The following RMDN2 variants were observed in gnomAD, a reference collection of about 807,000 sequenced individuals.
RMDN2 encodes regulator of microtubule dynamics 2.
In RMDN2, 61 loss-of-function variants were observed where a neutral mutation model predicts 52.8. The observed-to-expected ratio is 1.16, with a 90% CI of 0.94 to 1.43. The LOEUF (loss-of-function observed/expected upper bound fraction) is 1.43, where lower values mean the gene tolerates loss of function less well. RMDN2 is among the 40% of genes most tolerant of loss of function. The pLI is 0.00. For synonymous variants in RMDN2, 180 were observed against 153.1 expected (o/e 1.18, Z -1.30); for missense variants, 592 against 475.3 (o/e 1.25, Z -2.28).
chr2:38,009,364 G>C (rs1382848346), intron 10 of RMDN2, among the ~76,000 whole-genome samples: 1 of 152,054 alleles, frequency 6.6e-6, no homozygotes, highest in Non-Finnish European at 1.5e-5. Context: ...ACGTAGATTT[G>C]GTCTTTTCAC....
intron 4 of RMDN2, among the ~76,000 whole-genome samples, chr2:37,977,727 G>A (rs1024783487): frequency 2.6e-5 from 4 of 151,808 alleles, no homozygotes; most frequent in Non-Finnish European, 5.9e-5. Flanking sequence ...CAGATGGGGC[G>A]GCGGGGCAGA....
At chr2:37,978,530 A>G (rs1342328759) in intron 4 of RMDN2, among the ~76,000 whole-genome samples, 7 of 152,186 alleles carry the variant, frequency 4.6e-5, no homozygotes, top group East Asian at 3.9e-4. Flanking sequence ...GCTCTTATTA[A>G]AGAAGAGTAC....
At chr2:38,009,924 C>T (rs990015499) in intron 10 of RMDN2, among the ~76,000 whole-genome samples, 4 of 152,172 alleles carry the variant, frequency 2.6e-5, no homozygotes, top group Non-Finnish European at 5.9e-5. Context: ...AGTTTTCCTT[C>T]TAACAGTCAG....
intron 2 of RMDN2, among the ~76,000 whole-genome samples, chr2:37,947,155 T>C (rs548495261): frequency 9.2e-5 from 14 of 152,160 alleles, no homozygotes; most frequent in Non-Finnish European, 7.4e-5. Context: ...ACCCAAATAG[T>C]GTACATTGTA....
intron 5 of RMDN2, among the ~76,000 whole-genome samples, chr2:37,987,478 C>T (rs565851818): frequency 2.6e-5 from 4 of 152,112 alleles, no homozygotes; most frequent in Non-Finnish European, 4.4e-5. Flanking sequence ...ATATGACATT[C>T]TGGGAAAGAC....
chr2:37,994,552 A>G (rs555370831), intron 7 of RMDN2, among the ~76,000 whole-genome samples: 82 of 152,348 alleles, frequency 5.4e-4, no homozygotes, highest in Non-Finnish European at 1.0e-3. Flanking sequence ...CAATTACTTA[A>G]CAAAAGAAAG....
In RMDN2 at chr2:37,997,429, G is replaced by C. The variant is rs374644190; in HGVS notation, c.959G>C (p.Ser320Thr). The change falls in exon 8 of 11, where the codon AGC (serine) becomes ACC (threonine). Residue 320 changes from serine (S) to threonine (T), a missense_variant. Transcript: ENST00000354545. Reference protein sequence around the residue: ...GRYCYTVSKLSWIEKKMAATL... With the variant: ...GRYCYTVSKLTWIEKKMAATL... ...GTGTATTTGCAGGTCTCAAAACTGAGCTGGATTGAGAAAAAAATGGCTGCT... is the reference window on the plus strand; with the variant it reads ...GTGTATTTGCAGGTCTCAAAACTGACCTGGATTGAGAAAAAAATGGCTGCT... 46 of 1,612,600 alleles carry C rather than the reference G, an allele frequency of 2.9e-5. No individual in the cohort carries two copies. Among genetic ancestry groups the C allele is most frequent in the Non-Finnish European group, 3.9e-5 (46 of 1,178,696 alleles).
At chr2:37,934,261 G>A (rs894647159) in intron 2 of RMDN2, among the ~76,000 whole-genome samples, 1 of 152,126 alleles carries the variant, frequency 6.6e-6, no homozygotes, top group East Asian at 1.9e-4. Flanking sequence ...ATGGAATTTG[G>A]GTAGATCAGT....
At chr2:37,991,834 A>G (rs1478129338) in intron 7 of RMDN2, among the ~76,000 whole-genome samples, 3 of 152,234 alleles carry the variant, frequency 2.0e-5, no homozygotes, top group Admixed American at 6.5e-5. Flanking sequence ...CGCGACATAT[A>G]TAGCTCAAAT....
intron 6 of RMDN2, among the ~76,000 whole-genome samples, chr2:37,989,876 G>T (rs1488152368): frequency 6.6e-6 from 1 of 152,162 alleles, no homozygotes; most frequent in Non-Finnish European, 1.5e-5. Context: ...GGGCACAGAG[G>T]CTCACGCCTG....
intron 10 of RMDN2, among the ~76,000 whole-genome samples, chr2:38,047,065 T>G (rs1311467544): frequency 6.6e-6 from 1 of 152,008 alleles, no homozygotes; most frequent in Non-Finnish European, 1.5e-5. Flanking sequence ...AACTGTCATT[T>G]GAGAATTCTA....
intron 7 of RMDN2, 53 bp downstream of exon 7, chr2:37,991,350 G>A: frequency 1.1e-6 from 1 of 893,772 alleles, no homozygotes; most frequent in Non-Finnish European, 1.6e-6. Flanking sequence ...TATGATTATA[G>A]GATAAATTTT....
At chr2:37,983,764 G>T (rs1673629257) in intron 5 of RMDN2, among the ~76,000 whole-genome samples, 1 of 152,034 alleles carries the variant, frequency 6.6e-6, no homozygotes, top group African/African-American at 2.4e-5. Context: ...TATTCTGCTG[G>T]ACTCTCTTTA....
At chr2:38,065,877 A>G (rs1444502461) in intron 10 of RMDN2, among the ~76,000 whole-genome samples, 2 of 152,166 alleles carry the variant, frequency 1.3e-5, no homozygotes, top group African/African-American at 4.8e-5. Flanking sequence ...CTCAGAAGAG[A>G]GCAGTGTGGT....
chr2:37,995,451 G>C (rs1280689926), intron 7 of RMDN2, among the ~76,000 whole-genome samples: 1 of 152,052 alleles, frequency 6.6e-6, no homozygotes, highest in Non-Finnish European at 1.5e-5. Flanking sequence ...CACAAGGAAA[G>C]TGTTTATAAA....
chr2:38,002,235 T>C (rs1676415055), intron 8 of RMDN2, among the ~76,000 whole-genome samples: 1 of 152,200 alleles, frequency 6.6e-6, no homozygotes, highest in African/African-American at 2.4e-5. Context: ...ATATATTATT[T>C]TGACTCAGCA....
At chr2:37,953,349 A>ACT (rs914278425) in intron 2 of RMDN2, among the ~76,000 whole-genome samples, 2 of 151,418 alleles carry the variant, frequency 1.3e-5, no homozygotes, top group African/African-American at 4.9e-5. Flanking sequence ...AGAACTCTCT[A>ACT]CTCTCTCTCC....
chr2:37,935,201 C>G (rs1426560060), intron 2 of RMDN2, among the ~76,000 whole-genome samples: 1 of 152,134 alleles, frequency 6.6e-6, no homozygotes, highest in African/African-American at 2.4e-5. Context: ...TAATGTCAGG[C>G]ATAGTATATA....
intron 10 of RMDN2, among the ~76,000 whole-genome samples, chr2:38,034,108 C>T (rs979476716): frequency 6.6e-6 from 1 of 152,276 alleles, no homozygotes; most frequent in Non-Finnish European, 1.5e-5. Flanking sequence ...GTGTCCTCGA[C>T]AGGAAGTCAC....
Sources: allele counts gnomAD v4.1 joint callset (sites outside exome capture counted in the v4.1 genomes callset), GRCh38; gene constraint gnomAD v4.1.1; transcripts MANE v1.5; gene names NCBI Gene and HGNC (gene_info 2026-07-23, HGNC 2026-07-21).